Variants in RBFOX1 observed in about 807,000 individuals in gnomAD.
The protein encoded by RBFOX1 is RNA binding protein fox-1 homolog 1.
RBFOX1 carries 8 observed loss-of-function variants against 57.7 expected under a neutral mutation model. The observed-to-expected ratio is 0.14, with a 90% CI of 0.08 to 0.25. The LOEUF (loss-of-function observed/expected upper bound fraction) is 0.25, where lower values mean the gene tolerates loss of function less well. Ranked by LOEUF, RBFOX1 falls within the 10% of genes least tolerant of loss-of-function variation. The probability of loss-of-function intolerance (pLI) is 1.00; values close to 1 mark genes in which losing one functional copy is unlikely to be tolerated. For synonymous variants in RBFOX1, 326 were observed against 222.4 expected, an observed-to-expected ratio of 1.47 and a Z score of -4.15; for missense variants, 611 against 548.5, an observed-to-expected ratio of 1.11 and a Z score of -1.14.
At chr16:5,810,760 T>A (rs549896581) in intron 3 of RBFOX1, among the ~76,000 whole-genome samples, 1 of 152,206 alleles carries the variant, frequency 6.6e-6, no homozygotes, top group Non-Finnish European at 1.5e-5. Flanking sequence ...CTACTGAGCC[T>A]CCTGCTTTGG....
chr16:6,780,562 T>TTATATATATTTA (rs1347788120), intron 3 of RBFOX1, among the ~76,000 whole-genome samples: 14 of 105,046 alleles, frequency 1.3e-4, no homozygotes, highest in East Asian at 7.1e-4. Flanking sequence ...ATTTACATAT[T>TTATATATATTTA]TATATATATT....
chr16:7,437,722 C>A (rs1325908389), intron 4 of RBFOX1, among the ~76,000 whole-genome samples: 1 of 152,158 alleles, frequency 6.6e-6, no homozygotes, highest in African/African-American at 2.4e-5. Context: ...CCTACTCCTG[C>A]AGCTCTGAGA....
At chr16:5,928,706 A>G (rs1350387178) in intron 4 of RBFOX1, among the ~76,000 whole-genome samples, 1 of 151,872 alleles carries the variant, frequency 6.6e-6, no homozygotes, top group African/African-American at 2.4e-5. Context: ...CCAATAAAAA[A>G]AAAAAAAAAA....
chr16:5,735,906 C>G (rs1421432599), intron 3 of RBFOX1, among the ~76,000 whole-genome samples: 2 of 152,076 alleles, frequency 1.3e-5, no homozygotes, highest in African/African-American at 4.8e-5. Flanking sequence ...ACAACAACAA[C>G]AACAAAACAA....
chr16:6,769,859 G>A (rs2078007165), intron 3 of RBFOX1, among the ~76,000 whole-genome samples: 1 of 152,316 alleles, frequency 6.6e-6, no homozygotes, highest in East Asian at 1.9e-4. Flanking sequence ...CGAGTTTGAA[G>A]ATGATTTGTT....
chr16:5,959,401 G>GTTAATATTAAAATATTAAAATT (rs2059706806), intron 4 of RBFOX1, among the ~76,000 whole-genome samples: 1 of 152,088 alleles, frequency 6.6e-6, no homozygotes, highest in Non-Finnish European at 1.5e-5. Context: ...TTTAAATTGG[G>GTTAATATTAAAATATTAAAATT]TGAATGCAGA....
chr16:5,840,817 G>A (rs1567611585), intron 3 of RBFOX1, among the ~76,000 whole-genome samples: 1 of 152,082 alleles, frequency 6.6e-6, no homozygotes, highest in Admixed American at 6.6e-5. Context: ...ACAAAACCTA[G>A]GGGAACCACT....
In RBFOX1 at chr16:6,450,839, GTATATA is replaced by G. The variant is rs1202016714; in HGVS notation, c.-64+133812_-64+133817del. Among the ~76,000 whole-genome samples, 55 of 13,606 alleles carry G rather than the reference GTATATA, an allele frequency of 4.0e-3. 12 individuals carry two copies. Among genetic ancestry groups the G allele is most frequent in the South Asian group, 6.8e-3 (2 of 292 alleles). The allele number at this position is 13,606 out of a possible 152,430, so 8.9% of individuals were successfully genotyped here. On this transcript the variant is annotated intron_variant, in intron 2 of 15. Coordinates refer to ENST00000550418, the MANE Select transcript of RBFOX1 (RefSeq NM_018723.4). ...TATACATATATATATATATATATGT[GTATATA>G]TATATATATATATATATATATATAT...
chr16:6,969,189 C>G (rs1000362071), intron 3 of RBFOX1, among the ~76,000 whole-genome samples: 1 of 152,096 alleles, frequency 6.6e-6, no homozygotes, highest in Non-Finnish European at 1.5e-5. Flanking sequence ...CTCTTAACTC[C>G]TCACTACATT....
Position 7,581,638 on chromosome 16 carries a change from G to C in RBFOX1, c.414+1718G>C, listed in dbSNP as rs186845233. On this transcript the variant is annotated intron_variant, in intron 6 of 15. Transcript: ENST00000550418. ...GAGTCTCTCTAGTCTTACAGAGGTA[G>C]GGTAGACGGCAAGGAGCAAGATCTT... 2.6e-5 allele frequency among the ~76,000 whole-genome samples: 4 copies of C among 152,258 alleles called. No homozygotes were observed. The East Asian group carries it at 7.7e-4, about 29-fold the overall frequency.
chr16:6,084,990 G>T (rs1278858566), intron 1 of RBFOX1, among the ~76,000 whole-genome samples: 1 of 152,162 alleles, frequency 6.6e-6, no homozygotes, highest in Non-Finnish European at 1.5e-5. Flanking sequence ...TGCAGAAGTG[G>T]TTTCCTTTTC....
chr16:5,339,049 C>T (rs552820982), intron 1 of RBFOX1, among the ~76,000 whole-genome samples: 17 of 151,814 alleles, frequency 1.1e-4, no homozygotes, highest in Admixed American at 3.3e-4. Flanking sequence ...CAATAATTTT[C>T]AGGTGCATAT....
intron 3 of RBFOX1, among the ~76,000 whole-genome samples, chr16:6,844,309 T>G (rs1350963835): frequency 6.6e-6 from 1 of 152,160 alleles, no homozygotes; most frequent in Non-Finnish European, 1.5e-5. Flanking sequence ...ACCTAGGTAT[T>G]AAATCTGGTG....
chr16:5,245,296 A>G (rs2062269321), intron 1 of RBFOX1, among the ~76,000 whole-genome samples: 1 of 152,192 alleles, frequency 6.6e-6, no homozygotes, highest in Non-Finnish European at 1.5e-5. Flanking sequence ...TGACAGTGTC[A>G]GGCAAGGACA....
intron 13 of RBFOX1, among the ~76,000 whole-genome samples, chr16:7,675,830 G>C (rs1180591156): frequency 6.6e-6 from 1 of 152,100 alleles, no homozygotes; most frequent in African/African-American, 2.4e-5. Flanking sequence ...GAACCTGAAT[G>C]GTCCTGTGTT....
rs748385060 is a variant in RBFOX1, at chr16:7,641,037, C to T, written c.757+10354C>T. Among the ~76,000 whole-genome samples, 15 of 152,168 alleles carry T rather than the reference C, an allele frequency of 9.9e-5. 1 individual carries two copies. In the East Asian group the frequency reaches 1.6e-3, roughly 16 times the overall value. The stretch of plus-strand genomic sequence containing the variant: ...TGATGCAATGGAGCAGGTGCACATT[C>T]CCAAGGGCCCCAGCTTTATAAGTTG... On this transcript the variant is annotated intron_variant, in intron 11 of 15. Transcript: ENST00000550418.
At chr16:5,652,198 A>C (rs1270561341) in intron 3 of RBFOX1, among the ~76,000 whole-genome samples, 1 of 152,338 alleles carries the variant, frequency 6.6e-6, no homozygotes, top group Admixed American at 6.5e-5. Flanking sequence ...ACATATCCTG[A>C]GAGATTACTA....
At chr16:7,053,809 C>G (rs984288743) in intron 4 of RBFOX1, among the ~76,000 whole-genome samples, 3 of 152,188 alleles carry the variant, frequency 2.0e-5, no homozygotes, top group African/African-American at 7.2e-5. Context: ...AGCCCCATCT[C>G]TAACATCACG....
intron 3 of RBFOX1, among the ~76,000 whole-genome samples, chr16:6,702,520 C>G (rs887204009): frequency 1.3e-5 from 2 of 151,492 alleles, no homozygotes; most frequent in Non-Finnish European, 2.9e-5. Flanking sequence ...TGCCATTGCA[C>G]TCCAGTCTGG....
Sources: allele counts gnomAD v4.1 joint callset (sites outside exome capture counted in the v4.1 genomes callset), GRCh38; gene constraint gnomAD v4.1.1; transcripts MANE v1.5; gene names NCBI Gene and HGNC (gene_info 2026-07-23, HGNC 2026-07-21).